The following TUBGCP3 variants were observed in gnomAD, a reference collection of about 807,000 sequenced individuals.
TUBGCP3 encodes the protein gamma-tubulin complex component 3.
A neutral mutation model predicts 123.1 loss-of-function variants in TUBGCP3; 50 were observed. That is an observed-to-expected ratio of 0.41 (90% CI 0.32 to 0.51). TUBGCP3 has a LOEUF of 0.51. Ranked by LOEUF, TUBGCP3 falls within the 20% of genes least tolerant of loss-of-function variation. The pLI is 0.36. For missense variants in TUBGCP3, 882 were observed against 1,127.0 expected, an observed-to-expected ratio of 0.78 and a Z score of 3.11; for synonymous variants, 405 against 413.9, an observed-to-expected ratio of 0.98 and a Z score of 0.26.
In TUBGCP3 at chr13:112,584,340, A is replaced by C. The variant is rs529245314; in HGVS notation, c.76+3565T>G. ...CAATTTTTAAATTTTAACTTATTGAAAAATAGTAAATCCATCAAGTACAAC... is the reference window on the plus strand; with the variant it reads ...CAATTTTTAAATTTTAACTTATTGACAAATAGTAAATCCATCAAGTACAAC... On this transcript the variant is annotated intron_variant, in intron 1 of 21. Coordinates refer to ENST00000261965, the MANE Select transcript of TUBGCP3 (RefSeq NM_006322.6). 1.6e-4 allele frequency among the ~76,000 whole-genome samples: 25 copies of C among 152,368 alleles called. 1 individual carries two copies. The highest frequency in any genetic ancestry group is 3.4e-3 in the Middle Eastern group (1 of 294).
rs903292601 is a variant in TUBGCP3 at position 112,584,829 on chromosome 13, G to T, written c.76+3076C>A. On this transcript the variant is annotated intron_variant, in intron 1 of 21. Transcript: ENST00000261965. The stretch of plus-strand genomic sequence containing the variant: ...TCAAGCACACTGTTTCCAATGATAA[G>T]AATAATTACGCAAAGACATAATAAA... 3.3e-5 allele frequency among the ~76,000 whole-genome samples: 5 copies of T among 152,310 alleles called. No individual in the cohort carries two copies. In the East Asian group the frequency reaches 9.6e-4, roughly 29 times the overall value.
chr13:112,603,262 T>C, the TUBGCP3 span: 5 of 152,344 alleles, frequency 3.3e-5, no homozygotes, highest in African/African-American at 4.8e-5. Flanking sequence ...CGCAAAGTTA[T>C]CTTTGCAGTT....
intron 20 of TUBGCP3, among the ~76,000 whole-genome samples, chr13:112,494,716 T>A (rs372625466): frequency 6.6e-6 from 1 of 152,342 alleles, no homozygotes; most frequent in East Asian, 1.9e-4. Context: ...TTTCTTCACA[T>A]CCTCGCCAGC....
chr13:112,497,047 T>C (rs1880578061), intron 20 of TUBGCP3, among the ~76,000 whole-genome samples: 1 of 152,020 alleles, frequency 6.6e-6, no homozygotes, highest in South Asian at 2.1e-4. Flanking sequence ...AGTAATTCTC[T>C]AGAAGGGAAG....
chr13:112,487,087 G>C (rs12583836), intron 21 of TUBGCP3, among the ~76,000 whole-genome samples: 57 of 148,142 alleles, frequency 3.8e-4, no homozygotes, highest in South Asian at 8.4e-4. Flanking sequence ...GTGTGTCTGT[G>C]TGTGTGTGTG....
chr13:112,499,081 T>C lies in TUBGCP3; in HGVS notation c.2412A>G (p.Leu804=). The change falls in exon 20 of 22, where the codon TTA becomes TTG. Residue 804 remains leucine (L), a synonymous_variant. Coordinates refer to ENST00000261965, the MANE Select transcript of TUBGCP3 (RefSeq NM_006322.6). ...GCTGTTTCTTTTTCTCTTCAAACTGTAATCGTCTCTGCAATTCTTCCAGAG... is the reference window on the plus strand; with the variant it reads ...GCTGTTTCTTTTTCTCTTCAAACTGCAATCGTCTCTGCAATTCTTCCAGAG... ...RAALEELQRR[L]QFEEKKKQRE... 1.2e-6 allele frequency: 2 copies of C among 1,614,226 alleles called. No individual in the cohort carries two copies. The highest frequency in any genetic ancestry group is 1.7e-6 in the Non-Finnish European group (2 of 1,180,028).
upstream of TUBGCP3, chr13:112,588,309 C>A: frequency 4.2e-6 from 1 of 239,368 alleles, no homozygotes; most frequent in South Asian, 1.4e-4. Flanking sequence ...TCGAGCTGCG[C>A]GGACAGAGCG....
In TUBGCP3 at chr13:112,522,496, G is replaced by C; in HGVS notation, c.1569C>G (p.Phe523Leu). The C allele has an allele frequency of 6.2e-7, 1 of 1,612,916 alleles. No individual in the cohort carries two copies. Residue 523 changes from phenylalanine (F) to leucine (L), a missense_variant, in exon 14 of 22, where the codon TTC (phenylalanine) becomes TTG (leucine). This residue lies in a region of TUBGCP3 where 713 missense variants were observed against 874.0 expected (regional missense o/e 0.82). Coordinates refer to ENST00000261965, the MANE Select transcript of TUBGCP3 (RefSeq NM_006322.6). ...AESPQDAADLFTDLENAFQGK... is the reference protein window; with the variant it reads ...AESPQDAADLLTDLENAFQGK... ...CCTGAAATGCATTTTCCAAGTCTGT[G>C]AATAGGTCTGCAGCTGTAAAGAACA...
Position 112,522,336 on chromosome 13 carries a change from A to G in TUBGCP3, c.1729T>C (p.Leu577=). 1 of 1,596,654 alleles carries G rather than the reference A, an allele frequency of 6.3e-7. No homozygotes were observed. Among genetic ancestry groups the G allele is most frequent in the South Asian group, 1.1e-5 (1 of 89,264 alleles). The change falls in exon 14 of 22, where the codon TTA becomes CTA. Residue 577 remains leucine, a synonymous_variant. Coordinates refer to ENST00000261965, the MANE Select transcript of TUBGCP3 (RefSeq NM_006322.6). ...LLGQGDFIRH[L]MDLLKPELVR... ...GTGCCTTACTTTAGCAAGTCCATTA[A>G]GTGCCTTATAAAGTCTCCTTGACCA...
Position 112,511,262 on chromosome 13 carries a change from C to T in TUBGCP3, c.2086+5178G>A, listed in dbSNP as rs532494698. 2.6e-5 allele frequency among the ~76,000 whole-genome samples: 4 copies of T among 152,164 alleles called. No individual in the cohort carries two copies. The highest frequency in any genetic ancestry group is 4.4e-5 in the Non-Finnish European group (3 of 68,024). ...GGCCCCTCACAGGGCACTGCTGGCC[C>T]GCGGGCACCTGCCTTTCCTGGTAAG... On this transcript the variant is annotated intron_variant, in intron 17 of 21. Transcript: ENST00000261965. The surrounding 1 kb of genome is among the most constrained non-coding windows in gnomAD (Gnocchi z 4.1).
chr13:112,595,983 G>A, the TUBGCP3 span, among the ~76,000 whole-genome samples: 1 of 151,680 alleles, frequency 6.6e-6, no homozygotes, highest in South Asian at 2.1e-4. Flanking sequence ...GTTTCTTTAG[G>A]TGCTACTTTA....
intron 20 of TUBGCP3, among the ~76,000 whole-genome samples, chr13:112,495,816 T>C (rs998787248): frequency 6.6e-6 from 1 of 152,180 alleles, no homozygotes; most frequent in East Asian, 1.9e-4. Flanking sequence ...AAAGCCAAAA[T>C]GAAACCACTT....
chr13:112,548,331 A>T (rs1463822776), intron 8 of TUBGCP3, among the ~76,000 whole-genome samples, 155 bp from the exon 9 acceptor site: 1 of 152,194 alleles, frequency 6.6e-6, no homozygotes, highest in Non-Finnish European at 1.5e-5. Flanking sequence ...CATCTTAATC[A>T]CCACAATATA....
chr13:112,509,082 C>G (rs1030091070), intron 17 of TUBGCP3, among the ~76,000 whole-genome samples: 1 of 152,202 alleles, frequency 6.6e-6, no homozygotes, highest in Non-Finnish European at 1.5e-5. Context: ...GCACAGTCCC[C>G]CTCCACAGCT....
rs375078222 is a variant in TUBGCP3, at chr13:112,511,552, G to A, written c.2086+4888C>T. ...AGCTCCAGGATCCAAGAGGAGCTGG[G>A]GCCAGGTTTACGCAGCTGCAGGCCA... is the stretch of plus-strand genomic sequence containing the variant. On this transcript the variant is annotated intron_variant, in intron 17 of 21. Coordinates refer to ENST00000261965, the MANE Select transcript of TUBGCP3 (RefSeq NM_006322.6). The surrounding 1 kb of genome is among the most constrained non-coding windows in gnomAD (Gnocchi z 4.1). 5.0e-4 allele frequency among the ~76,000 whole-genome samples: 76 copies of A among 152,102 alleles called. No individual in the cohort carries two copies. The highest frequency in any genetic ancestry group is 1.8e-3 in the African/African-American group (75 of 41,486).
At chr13:112,599,682 A>T in the TUBGCP3 span, among the ~76,000 whole-genome samples, 20 of 149,922 alleles carry the variant, frequency 1.3e-4, no homozygotes, top group Non-Finnish European at 2.1e-4. Context: ...AGTTATTTTT[A>T]TTTTTTATTT....
At chr13:112,559,978 C>A (rs368766767) in intron 3 of TUBGCP3, among the ~76,000 whole-genome samples, 1 of 151,968 alleles carries the variant, frequency 6.6e-6, no homozygotes, top group Non-Finnish European at 1.5e-5. Context: ...CTACTAAAAA[C>A]ACAAAATTAG....
At chr13:112,515,186 C>T (rs118039294) in intron 17 of TUBGCP3, among the ~76,000 whole-genome samples, 1 of 152,250 alleles carries the variant, frequency 6.6e-6, no homozygotes, top group Non-Finnish European at 1.5e-5. Context: ...ACAGACGTTG[C>T]TAAACTGATA....
chr13:112,587,975 C>T lies in TUBGCP3; in HGVS notation c.6G>A (p.Ala2=), dbSNP rs1180438115. The T allele has an allele frequency of 2.1e-5, 33 of 1,581,092 alleles. No homozygotes were observed. The highest frequency in any genetic ancestry group is 2.7e-5 in the Non-Finnish European group (31 of 1,165,918). The change falls in exon 1 of 22, where the codon GCG becomes GCA. Residue 2 remains alanine, a synonymous_variant. Transcript: ENST00000261965. ...CGTTCGGCGACTTCTGGTCCGGGGT[C>T]GCCATCCTCGCCCGGAGCCGTGCAC... is the stretch of plus-strand genomic sequence containing the variant. M[A]TPDQKSPNVL...
Sources: allele counts gnomAD v4.1 joint callset (sites outside exome capture counted in the v4.1 genomes callset), GRCh38; gene constraint gnomAD v4.1.1; regional missense constraint gnomAD v4.1.1; non-coding constraint Gnocchi (gnomAD v3.1); transcripts MANE v1.5; gene names NCBI Gene and HGNC (gene_info 2026-07-23, HGNC 2026-07-21).